The following SAMD13 variants were observed in gnomAD, a reference collection of about 807,000 sequenced individuals.
The protein encoded by SAMD13 is sterile alpha motif domain containing 13, also known as sterile alpha motif domain-containing protein 13.
SAMD13 carries 9 observed loss-of-function variants against 12.4 expected under a neutral mutation model. The observed-to-expected ratio is 0.72, with a 90% CI of 0.44 to 1.26. SAMD13 has a LOEUF of 1.26. Ranked by LOEUF, SAMD13 falls within the 50% of genes most tolerant of loss-of-function variation. SAMD13 has a pLI of 0.00. For synonymous variants in SAMD13, 46 were observed against 45.4 expected (o/e 1.01, Z -0.05); for missense variants, 84 against 119.6 (o/e 0.70, Z 1.39).
At chr1:84,331,117 T>C (rs1283619255) in intron 3 of SAMD13, among the ~76,000 whole-genome samples, 1 of 151,992 alleles carries the variant, frequency 6.6e-6, no homozygotes, top group Admixed American at 6.6e-5. Context: ...TAAAATTTCT[T>C]ATGGCTACAT....
At position 84,349,533 on chromosome 1, in the gene SAMD13, A is replaced by C. The variant is rs972795661; in HGVS notation, c.166-98A>C. The C allele has an allele frequency of 3.3e-6, 5 of 1,508,134 alleles. No homozygotes were observed. In the Admixed American group the frequency reaches 1.1e-4, roughly 34 times the overall value. 93.4% of individuals were successfully genotyped at this position (1,508,134 alleles called of 1,614,324 possible). A position where few individuals can be genotyped will look rare whatever the true frequency, so the allele number is the denominator to read the frequency against. ...CAAATGTAATGTTTTTAGCTTGGGC[A>C]CAAGTGGTGTGACTTTTACCTCTGA... On this transcript the variant is annotated intron_variant, in intron 3 of 3. Coordinates refer to ENST00000394834, the MANE Select transcript of SAMD13 (RefSeq NM_001134663.2).
At chr1:84,305,384 T>C (rs1283757955) in intron 2 of SAMD13, among the ~76,000 whole-genome samples, 1 of 152,284 alleles carries the variant, frequency 6.6e-6, no homozygotes, top group East Asian at 1.9e-4. Flanking sequence ...AGAGTTTTTA[T>C]ATATTATGAA....
At chr1:84,301,647 G>A (rs1678456444), upstream of SAMD13, 1 of 985,318 alleles carries the variant, frequency 1.0e-6, no homozygotes, top group Non-Finnish European at 1.2e-6. Context: ...CTAACGTCAT[G>A]TTGGCTGAGA....
intron 3 of SAMD13, chr1:84,345,024 A>G (rs984566593): frequency 6.6e-5 from 30 of 456,656 alleles, no homozygotes; most frequent in African/African-American, 4.2e-4. Flanking sequence ...CCACTCCTCC[A>G]TCTTTGATGT....
At chr1:84,330,864 C>T (rs1472874668) in intron 3 of SAMD13, among the ~76,000 whole-genome samples, 2 of 152,166 alleles carry the variant, frequency 1.3e-5, no homozygotes, top group African/African-American at 2.4e-5. Context: ...ATTTCTAGAA[C>T]AATATGTATC....
chr1:84,322,344 A>G (rs374871140), intron 2 of SAMD13, among the ~76,000 whole-genome samples: 6 of 152,190 alleles, frequency 3.9e-5, no homozygotes, highest in South Asian at 2.1e-4. Flanking sequence ...CCGGAATCCA[A>G]TCCTAGCTTT....
At chr1:84,326,843 T>C (rs1327685741) in intron 3 of SAMD13, among the ~76,000 whole-genome samples, 2 of 152,176 alleles carry the variant, frequency 1.3e-5, no homozygotes, top group Non-Finnish European at 1.5e-5. Context: ...ATTTCTAGAT[T>C]TCCTTCAACC....
chr1:84,337,804 C>T (rs1385703761), intron 3 of SAMD13, among the ~76,000 whole-genome samples: 1 of 152,154 alleles, frequency 6.6e-6, no homozygotes, highest in African/African-American at 2.4e-5. Flanking sequence ...CTCTGTTTCC[C>T]TTATAAAACT....
At chr1:84,340,726 C>G (rs536438135) in intron 3 of SAMD13, among the ~76,000 whole-genome samples, 1 of 152,064 alleles carries the variant, frequency 6.6e-6, no homozygotes, top group Non-Finnish European at 1.5e-5. Context: ...GAGTTGGGAG[C>G]ATAGGTGAAG....
chr1:84,340,939 A>T (rs1314609636), intron 3 of SAMD13, among the ~76,000 whole-genome samples: 2 of 152,238 alleles, frequency 1.3e-5, no homozygotes, highest in African/African-American at 4.8e-5. Context: ...ACCTCATCCC[A>T]TGATGGCCCT....
intron 3 of SAMD13, among the ~76,000 whole-genome samples, chr1:84,342,918 T>C (rs1178638243): frequency 6.6e-6 from 1 of 151,400 alleles, no homozygotes; most frequent in Admixed American, 6.6e-5. Context: ...AGTGAACAGG[T>C]AACCTATAGC....
intron 3 of SAMD13, chr1:84,344,891 C>T: frequency 2.2e-6 from 1 of 456,592 alleles, no homozygotes; most frequent in Non-Finnish European, 4.4e-6. Context: ...CCAGAAGGAA[C>T]CGAACCAAAA....
At chr1:84,329,140 T>C (rs1261577472) in intron 3 of SAMD13, among the ~76,000 whole-genome samples, 1 of 151,928 alleles carries the variant, frequency 6.6e-6, no homozygotes, top group Admixed American at 6.6e-5. Flanking sequence ...TCAATGCTCT[T>C]ATAAGAAGAG....
intron 3 of SAMD13, among the ~76,000 whole-genome samples, chr1:84,331,900 C>T (rs1158772880): frequency 1.3e-5 from 2 of 152,040 alleles, no homozygotes; most frequent in Non-Finnish European, 2.9e-5. Context: ...CCTCCACCCT[C>T]AAGTAGGCCC....
chr1:84,350,203 C>G lies in SAMD13; in HGVS notation c.*429C>G, dbSNP rs138859424. ...GGAGAAAGAAGAAAGGGATTGCTGT[C>G]TCCCTTGAATTCCTCTGTTCCTTAG... On this transcript the variant is annotated 3_prime_UTR_variant, in exon 4 of 4. Coordinates refer to ENST00000394834, the MANE Select transcript of SAMD13 (RefSeq NM_001134663.2). The G allele has an allele frequency of 6.5e-6, 1 of 154,068 alleles. No individual in the cohort carries two copies. Among genetic ancestry groups the G allele is most frequent in the African/African-American group, 2.4e-5 (1 of 41,472 alleles). 9.5% of individuals were successfully genotyped at this position (154,068 alleles called of 1,614,324 possible).
At chr1:84,338,370 A>G (rs1445010451) in intron 3 of SAMD13, among the ~76,000 whole-genome samples, 2 of 151,702 alleles carry the variant, frequency 1.3e-5, no homozygotes, top group African/African-American at 2.4e-5. Flanking sequence ...GGAGCAAGTC[A>G]CATCTTATGT....
intron 2 of SAMD13, among the ~76,000 whole-genome samples, chr1:84,311,310 T>C (rs1678705006): frequency 7.3e-6 from 1 of 136,836 alleles, no homozygotes; most frequent in Non-Finnish European, 1.5e-5. Context: ...CACTCCAGCC[T>C]GGGCAACAGA....
At chr1:84,301,706 T>G (rs999554702), upstream of SAMD13, 5 of 985,326 alleles carry the variant, frequency 5.1e-6, no homozygotes, top group African/African-American at 8.7e-5. Flanking sequence ...CCTTATTGAA[T>G]TCCTTTGCCA....
intron 3 of SAMD13, among the ~76,000 whole-genome samples, chr1:84,341,918 GA>G (rs1679435870): frequency 6.6e-6 from 1 of 152,180 alleles, no homozygotes; most frequent in Non-Finnish European, 1.5e-5. Context: ...AATTATAGTA[GA>G]ATTTTATTTC....
Sources: gnomAD v4.1 joint callset for allele counts (sites outside exome capture counted in the v4.1 genomes callset) on GRCh38, gnomAD v4.1.1 for gene constraint, MANE v1.5 for transcripts, NCBI Gene and HGNC (gene_info 2026-07-23, HGNC 2026-07-21) for gene names.